Variants in TCF3 observed in about 807,000 individuals in gnomAD.
TCF3 encodes the protein transcription factor E2-alpha.
In TCF3, 54 loss-of-function variants were observed where a neutral mutation model predicts 72.3. That is an observed-to-expected ratio of 0.75 (90% CI 0.60 to 0.94). The LOEUF (loss-of-function observed/expected upper bound fraction) is 0.94. Ranked by LOEUF, TCF3 falls within the 40% of genes least tolerant of loss-of-function variation. The pLI is 0.00. For synonymous variants in TCF3, 525 were observed against 412.6 expected (o/e 1.27, Z -3.30); for missense variants, 1,078 against 934.4 (o/e 1.15, Z -2.00).
At chr19:1,624,417 A>AGC (rs2062631770) in intron 7 of TCF3, among the ~76,000 whole-genome samples, 1 of 152,176 alleles carries the variant, frequency 6.6e-6, no homozygotes, top group African/African-American at 2.4e-5. Flanking sequence ...CAGCAGCAGC[A>AGC]ACAACAACAA....
At chr19:1,633,728 C>A (rs1356569667) in intron 3 of TCF3, among the ~76,000 whole-genome samples, 1 of 152,136 alleles carries the variant, frequency 6.6e-6, no homozygotes, top group East Asian at 1.9e-4. Context: ...AGGCAGGGGG[C>A]TCCTGTGGTC....
intron 3 of TCF3, among the ~76,000 whole-genome samples, chr19:1,645,939 A>G (rs1481402593): frequency 6.6e-6 from 1 of 152,030 alleles, no homozygotes; most frequent in Non-Finnish European, 1.5e-5. Context: ...CGAGGCTCAC[A>G]AGGTGGGTGG....
chr19:1,623,560 T>C (rs925953133), intron 8 of TCF3, among the ~76,000 whole-genome samples: 21 of 151,980 alleles, frequency 1.4e-4, no homozygotes, highest in Non-Finnish European at 2.8e-4. Flanking sequence ...ATTTTTGTAT[T>C]TTTAGTAGAG....
intron 1 of TCF3, 87 bp from the exon 2 acceptor site, chr19:1,650,374 G>C (rs2066827667): frequency 4.7e-6 from 5 of 1,068,498 alleles, no homozygotes; most frequent in African/African-American, 1.6e-5. Context: ...AGTGCTAAAA[G>C]CCACCTAAAA....
At chr19:1,639,956 AAATTGATC>A (rs2065006659) in intron 3 of TCF3, among the ~76,000 whole-genome samples, 1 of 152,174 alleles carries the variant, frequency 6.6e-6, no homozygotes, top group Non-Finnish European at 1.5e-5. Context: ...ATAAAGAGGA[AAATTGATC>A]AATTGATCAA....
chr19:1,652,079 G>A (rs867734923), intron 1 of TCF3, among the ~76,000 whole-genome samples: 130 of 149,878 alleles, frequency 8.7e-4, no homozygotes, highest in African/African-American at 3.1e-3. Flanking sequence ...CGGGGGCGAC[G>A]CGGGCCTGGC....
chr19:1,652,204 G>GC (rs370594374), intron 1 of TCF3, 96 bp downstream of exon 1: 2,969 of 139,992 alleles, frequency 0.021, 48 homozygotes, highest in Middle Eastern at 0.064. Context: ...CTTCCTCCGC[G>GC]CCCCCCCCCA....
Position 1,615,405 on chromosome 19 carries a change from C to T in TCF3, c.1702G>A (p.Ala568Thr), listed in dbSNP as rs1291610232. 6.2e-7 allele frequency: 1 copy of T among 1,614,048 alleles called. No individual in the cohort carries two copies. The highest frequency in any genetic ancestry group is 1.1e-5 in the South Asian group (1 of 91,086). ...CACATGCGCCCCAGCTCCTTAAAGG[C>T]CTCGTTGATGTCACGGACCCGCAGC... Reference protein sequence around the residue: ...ERLRVRDINEAFKELGRMCQL... With the variant: ...ERLRVRDINETFKELGRMCQL... Residue 568 changes from alanine to threonine, a missense_variant, in exon 18 of 19, where the codon GCC becomes ACC. Physicochemically the swap from Ala to Thr is moderately conservative, Grantham distance 58. Transcript: ENST00000262965. This position sits in a 1 kb window ranked among gnomAD's most constrained non-coding sequence, Gnocchi z 7.3.
chr19:1,616,561 T>C (rs2061568259), intron 16 of TCF3: 1 of 152,118 alleles, frequency 6.6e-6, no homozygotes, highest in Admixed American at 6.5e-5. Context: ...TTTATCATTC[T>C]CATTTTAGTC....
chr19:1,633,806 C>G (rs115912421), intron 3 of TCF3, among the ~76,000 whole-genome samples: 2 of 152,176 alleles, frequency 1.3e-5, no homozygotes, highest in African/African-American at 2.4e-5. Context: ...TGGTCCTGCA[C>G]GTGGGCCCTG....
At chr19:1,637,865 T>C (rs887550235) in intron 3 of TCF3, among the ~76,000 whole-genome samples, 3 of 151,414 alleles carry the variant, frequency 2.0e-5, no homozygotes, top group South Asian at 4.2e-4. Context: ...GCCGAGATCG[T>C]GCCACTGCAC....
intron 3 of TCF3, among the ~76,000 whole-genome samples, chr19:1,639,622 G>A (rs1332010659): frequency 2.0e-5 from 3 of 152,166 alleles, no homozygotes; most frequent in South Asian, 4.2e-4. Flanking sequence ...GGAGCTCTGC[G>A]TCCTCCAAAC....
chr19:1,624,939 A>T (rs1003975602), intron 7 of TCF3, among the ~76,000 whole-genome samples: 1 of 152,192 alleles, frequency 6.6e-6, no homozygotes, highest in Non-Finnish European at 1.5e-5. Flanking sequence ...TCGAACTCCC[A>T]GGGTCAAACC....
intron 5 of TCF3, among the ~76,000 whole-genome samples, chr19:1,631,779 G>A (rs1167727908): frequency 1.3e-5 from 2 of 152,204 alleles, no homozygotes; most frequent in African/African-American, 4.8e-5. Context: ...TCCCAGGGAG[G>A]AAGTGGGGTC....
chr19:1,643,824 G>A (rs991374394), intron 3 of TCF3, among the ~76,000 whole-genome samples: 12 of 152,206 alleles, frequency 7.9e-5, no homozygotes, highest in Non-Finnish European at 1.6e-4. Context: ...CAAATCTAAA[G>A]TTTCCTTTCA....
At chr19:1,632,499 C>T in intron 3 of TCF3, 94 bp from the exon 4 acceptor site, 1 of 1,354,818 alleles carries the variant, frequency 7.4e-7, no homozygotes, top group Non-Finnish European at 1.0e-6. Flanking sequence ...CCTCAGTGGA[C>T]CCGGGGGGCT....
chr19:1,648,776 C>G (rs147479764), intron 2 of TCF3, among the ~76,000 whole-genome samples: 1,625 of 151,828 alleles, frequency 0.011, 28 homozygotes, highest in African/African-American at 0.038. Flanking sequence ...TGAAAGTGCC[C>G]TCCCCCAACC....
chr19:1,619,895 G>A (rs1386295007), intron 13 of TCF3, 42 bp from the exon 14 acceptor site: 5 of 1,495,238 alleles, frequency 3.3e-6, no homozygotes, highest in African/African-American at 1.4e-5. Flanking sequence ...GAGGGGCGGG[G>A]TGTGAGCATG....
At chr19:1,648,602 A>G (rs1200440467) in intron 2 of TCF3, among the ~76,000 whole-genome samples, 1 of 152,194 alleles carries the variant, frequency 6.6e-6, no homozygotes, top group Non-Finnish European at 1.5e-5. Context: ...CAAAAATAAA[A>G]CGGGGCTTAA....
Sources: allele counts gnomAD v4.1 joint callset (sites outside exome capture counted in the v4.1 genomes callset), GRCh38; gene constraint gnomAD v4.1.1; non-coding constraint Gnocchi (gnomAD v3.1); transcripts MANE v1.5; gene names NCBI Gene and HGNC (gene_info 2026-07-23, HGNC 2026-07-21).